SMC1B: variants seen among roughly 807,000 people sequenced by gnomAD.
SMC1B encodes the protein structural maintenance of chromosomes protein 1B.
In SMC1B, 60 loss-of-function variants were observed where a neutral mutation model predicts 157.9. The observed-to-expected ratio is 0.38, with a 90% confidence interval of 0.31 to 0.47. SMC1B has a LOEUF of 0.47. Ranked by LOEUF, SMC1B falls within the 20% of genes least tolerant of loss-of-function variation. The probability of loss-of-function intolerance (pLI) is 0.99; values close to 1 mark genes in which losing one functional copy is unlikely to be tolerated. For synonymous variants in SMC1B, 445 were observed against 483.0 expected (o/e 0.92, Z 1.03); for missense variants, 1,165 against 1,426.2 (o/e 0.82, Z 2.95).
At chr22:45,402,795 T>C (rs2087212543) in intron 4 of SMC1B, among the ~76,000 whole-genome samples, 1 of 152,214 alleles carries the variant, frequency 6.6e-6, no homozygotes, top group African/African-American at 2.4e-5. Context: ...AGTGGTATGA[T>C]GATGAGAACA....
intron 22 of SMC1B, among the ~76,000 whole-genome samples, chr22:45,350,555 C>T (rs894480062): frequency 1.2e-4 from 19 of 152,232 alleles, no homozygotes; most frequent in Non-Finnish European, 2.2e-4. Flanking sequence ...GGATTACAGG[C>T]GTGAGCCACC....
intron 23 of SMC1B, among the ~76,000 whole-genome samples, chr22:45,348,850 C>A (rs2086578921): frequency 6.6e-6 from 1 of 151,736 alleles, no homozygotes; most frequent in African/African-American, 2.4e-5. Flanking sequence ...AGATGTGTGC[C>A]ACCATGCTCA....
chr22:45,362,099 T>A lies in SMC1B; in HGVS notation c.2563-115A>T, dbSNP rs2086727501. On this transcript the variant is annotated intron_variant, in intron 16 of 24. Coordinates refer to ENST00000357450, the MANE Select transcript of SMC1B (RefSeq NM_148674.5). Reference sequence around the variant, plus strand: ...TCCCGAGATGAACCTTCTCACCCTATGTGCTACCTGACCTTCCATCGTGGA... The same window carrying A: ...TCCCGAGATGAACCTTCTCACCCTAAGTGCTACCTGACCTTCCATCGTGGA... 2.8e-6 allele frequency: 3 copies of A among 1,085,200 alleles called. No individual in the cohort carries two copies. In the East Asian group the frequency reaches 7.4e-5, roughly 27 times the overall value. 67.2% of individuals were successfully genotyped at this position (1,085,200 alleles called of 1,614,324 possible).
chr22:45,411,918 G>A (rs961154448), intron 1 of SMC1B, among the ~76,000 whole-genome samples: 7 of 151,652 alleles, frequency 4.6e-5, no homozygotes, highest in Admixed American at 3.3e-4. Flanking sequence ...TTGCTCTGTC[G>A]CCCAGGCTGG....
intron 4 of SMC1B, among the ~76,000 whole-genome samples, chr22:45,403,931 TTTTGTTTG>T (rs560579074): frequency 1.6e-3 from 240 of 151,916 alleles, no homozygotes; most frequent in African/African-American, 5.3e-3. Context: ...AGAGGGTGTT[TTTTGTTTG>T]TTTGTTTGTT....
chr22:45,388,228 A>G (rs1174530059), intron 10 of SMC1B, among the ~76,000 whole-genome samples: 1 of 152,150 alleles, frequency 6.6e-6, no homozygotes, highest in Non-Finnish European at 1.5e-5. Context: ...CAGAAAACTC[A>G]TATACAACTA....
intron 21 of SMC1B, among the ~76,000 whole-genome samples, chr22:45,353,231 C>T (rs1436391499): frequency 1.4e-5 from 2 of 146,616 alleles, no homozygotes; most frequent in African/African-American, 5.1e-5. Flanking sequence ...CACTGCATTC[C>T]AGCCTGGGCA....
In SMC1B at chr22:45,406,878, AAT is replaced by A. The variant is rs1491459333; in HGVS notation, c.299-15_299-14del. ...TCTGAGCATCCCCCTAAAATAAAAAAATAAACCCTGTTAAAAAATATATAAAT... is the reference window on the plus strand; with the variant it reads ...TCTGAGCATCCCCCTAAAATAAAAAAAAACCCTGTTAAAAAATATATAAAT... On this transcript the variant is annotated splice_polypyrimidine_tract_variant and intron_variant, in intron 2 of 24. Transcript: ENST00000357450. 2.0e-5 allele frequency: 31 copies of A among 1,528,122 alleles called. No individual in the cohort carries two copies. Among genetic ancestry groups the A allele is most frequent in the Middle Eastern group, 1.8e-4 (1 of 5,676 alleles). The allele number at this position is 1,528,122 out of a possible 1,614,324, so 94.7% of individuals were successfully genotyped here. A position where few individuals can be genotyped will look rare whatever the true frequency, so the allele number is the denominator to read the frequency against.
intron 15 of SMC1B, among the ~76,000 whole-genome samples, chr22:45,366,101 G>C (rs1347597041): frequency 6.6e-6 from 1 of 152,140 alleles, no homozygotes; most frequent in Non-Finnish European, 1.5e-5. Context: ...TTGGCTCACT[G>C]CAACTTCTGC....
At chr22:45,394,614 C>T (rs1385713539) in intron 8 of SMC1B, 71 bp downstream of exon 8, 22 of 1,391,956 alleles carry the variant, frequency 1.6e-5, no homozygotes, top group Admixed American at 6.1e-5. Flanking sequence ...CTGGCCTGGG[C>T]GATGGGAGTG....
intron 19 of SMC1B, among the ~76,000 whole-genome samples, chr22:45,357,611 A>C (rs527486426): frequency 2.2e-5 from 3 of 136,088 alleles, no homozygotes; most frequent in Admixed American, 7.6e-5. Context: ...ACTTTCTCAA[A>C]AAGTAACCAC....
chr22:45,413,541 C>A lies in SMC1B; in HGVS notation c.27G>T (p.Val9=). Residue 9 remains valine (V), a synonymous_variant, in exon 1 of 25, where the codon GTG becomes GTT. Transcript: ENST00000357450. Reference sequence around the variant, plus strand: ...GGCCCCGCCACGACTTGAAATTTTCCACAAGCAGCAGCTCCAGGTGGGCCA... The same window carrying A: ...GGCCCCGCCACGACTTGAAATTTTCAACAAGCAGCAGCTCCAGGTGGGCCA... The part of the protein sequence containing the change: MAHLELLL[V]ENFKSWRGRQ... The A allele has an allele frequency of 6.2e-7, 1 of 1,611,494 alleles. No homozygotes were observed. The highest frequency in any genetic ancestry group is 1.7e-4 in the Middle Eastern group (1 of 6,056).
At chr22:45,389,259 GA>G (rs2087029103) in intron 10 of SMC1B, among the ~76,000 whole-genome samples, 1 of 152,098 alleles carries the variant, frequency 6.6e-6, no homozygotes, top group Non-Finnish European at 1.5e-5. Context: ...TTAGACTCAG[GA>G]TATGTTAAGG....
intron 21 of SMC1B, 57 bp downstream of exon 21, chr22:45,353,905 AAAAAAAAAAAAAAAAC>A (rs955412387): frequency 7.7e-5 from 49 of 637,914 alleles, no homozygotes; most frequent in East Asian, 3.4e-4. Flanking sequence ...AAAAAAAAAA[AAAAAAAAAAAAAAAAC>A]AACCACCACC....
At chr22:45,390,703 T>TA (rs35064650) in intron 9 of SMC1B, among the ~76,000 whole-genome samples, 99 of 136,764 alleles carry the variant, frequency 7.2e-4, no homozygotes, top group Middle Eastern at 7.4e-3. Flanking sequence ...GACTCCATCT[T>TA]AAAAAAAAAA....
intron 15 of SMC1B, among the ~76,000 whole-genome samples, chr22:45,369,542 C>CTTTTTTT (rs136566): frequency 1.8e-5 from 2 of 110,764 alleles, no homozygotes; most frequent in Non-Finnish European, 3.5e-5. Flanking sequence ...CTAGCTGTTT[C>CTTTTTTT]TTTTTTTTTT....
Position 45,402,577 on chromosome 22 carries a change from A to G in SMC1B, c.616-6T>C, listed in dbSNP as rs1293934729. ...AGACTCTGGTAACGTTCTGCCTATA[A>G]AAGAGTATAATTCAACAGCAGTTAA... On this transcript the variant is annotated splice_polypyrimidine_tract_variant and splice_region_variant and intron_variant, in intron 4 of 24. Coordinates refer to ENST00000357450, the MANE Select transcript of SMC1B (RefSeq NM_148674.5). 1 of 1,601,550 alleles carries G rather than the reference A, an allele frequency of 6.2e-7. No individual in the cohort carries two copies.
chr22:45,359,521 A>G (rs1602053044), intron 18 of SMC1B, among the ~76,000 whole-genome samples: 2 of 152,232 alleles, frequency 1.3e-5, no homozygotes, highest in East Asian at 1.9e-4. Context: ...ATGAGAGTGC[A>G]GGGAACCGCT....
intron 14 of SMC1B, among the ~76,000 whole-genome samples, chr22:45,370,319 G>T (rs996088053): frequency 1.3e-5 from 2 of 152,064 alleles, no homozygotes; most frequent in Admixed American, 6.6e-5. Context: ...TGAATGTTTA[G>T]TATAAAACTG....
Sources: gnomAD v4.1 joint callset for allele counts (sites outside exome capture counted in the v4.1 genomes callset) on GRCh38, gnomAD v4.1.1 for gene constraint, MANE v1.5 for transcripts, NCBI Gene and HGNC (gene_info 2026-07-23, HGNC 2026-07-21) for gene names.